Variants in SHANK2 observed in about 807,000 individuals in gnomAD.
The protein encoded by SHANK2 is SH3 and multiple ankyrin repeat domains 2, also known as SH3 and multiple ankyrin repeat domains protein 2.
SHANK2 carries 43 observed loss-of-function variants against 133.7 expected under a neutral mutation model. That is an observed-to-expected ratio of 0.32 (90% CI 0.25 to 0.41). The LOEUF is 0.41. SHANK2 is among the 10% of genes least tolerant of loss of function. The pLI, the probability that SHANK2 is intolerant of heterozygous loss-of-function variation, is 1.00. For synonymous variants in SHANK2, 1,017 were observed against 952.8 expected, an observed-to-expected ratio of 1.07 and a Z score of -1.24; for missense variants, 1,994 against 2,235.8, an observed-to-expected ratio of 0.89 and a Z score of 2.18.
chr11:71,207,667 CA>C (rs1954155069), intron 2 of SHANK2, among the ~76,000 whole-genome samples: 1 of 152,128 alleles, frequency 6.6e-6, no homozygotes, highest in African/African-American at 2.4e-5. Context: ...AACCAAGAAG[CA>C]AAAACAAATC....
At chr11:71,183,138 A>G (rs1953593624) in intron 2 of SHANK2, among the ~76,000 whole-genome samples, 1 of 152,186 alleles carries the variant, frequency 6.6e-6, no homozygotes, top group Non-Finnish European at 1.5e-5. Context: ...CCCACAGACA[A>G]GGCTTTCTGG....
intron 1 of SHANK2, among the ~76,000 whole-genome samples, chr11:71,247,493 C>A (rs1332051686): frequency 1.4e-5 from 2 of 144,776 alleles, no homozygotes; most frequent in South Asian, 2.2e-4. Flanking sequence ...TTAAAAAAAA[C>A]AACACTTTCA....
intron 12 of SHANK2, among the ~76,000 whole-genome samples, chr11:70,816,780 A>G (rs1590716524): frequency 6.6e-6 from 1 of 152,238 alleles, no homozygotes; most frequent in South Asian, 2.1e-4. Context: ...CCCTATCTCA[A>G]TAAAGGCCAC....
intron 15 of SHANK2, among the ~76,000 whole-genome samples, chr11:70,665,990 G>A (rs1352565563): frequency 1.3e-5 from 2 of 152,126 alleles, no homozygotes; most frequent in African/African-American, 2.4e-5. Context: ...ACAGCACCCC[G>A]CATAGGCCAG....
At chr11:70,680,967 G>A (rs1945017424) in intron 15 of SHANK2, among the ~76,000 whole-genome samples, 1 of 152,146 alleles carries the variant, frequency 6.6e-6, no homozygotes, top group Non-Finnish European at 1.5e-5. Flanking sequence ...CACTCTCCCT[G>A]GGTGTGAACC....
At chr11:70,738,329 C>G (rs1177747850) in intron 14 of SHANK2, among the ~76,000 whole-genome samples, 1 of 152,264 alleles carries the variant, frequency 6.6e-6, no homozygotes, top group African/African-American at 2.4e-5. Flanking sequence ...GCGCTCCCCT[C>G]TGTCTTCTGT....
intron 2 of SHANK2, among the ~76,000 whole-genome samples, chr11:71,187,548 T>G (rs1953699537): frequency 6.6e-6 from 1 of 152,232 alleles, no homozygotes; most frequent in Non-Finnish European, 1.5e-5. Flanking sequence ...TTCTCATGTT[T>G]TATTCAGCAC....
At chr11:70,610,727 C>T (rs535295034) in intron 17 of SHANK2, among the ~76,000 whole-genome samples, 32 of 152,344 alleles carry the variant, frequency 2.1e-4, no homozygotes, top group African/African-American at 7.2e-4. Flanking sequence ...GAGCACAGAA[C>T]ACGGCATGGG....
chr11:70,816,701 C>T (rs1249321138), intron 12 of SHANK2, among the ~76,000 whole-genome samples: 7 of 152,184 alleles, frequency 4.6e-5, no homozygotes, highest in Non-Finnish European at 8.8e-5. Context: ...CTCCAAAAGG[C>T]CCTGGGTTGG....
intron 17 of SHANK2, among the ~76,000 whole-genome samples, chr11:70,639,600 G>A (rs565872061): frequency 1.2e-4 from 18 of 152,236 alleles, no homozygotes; most frequent in African/African-American, 4.1e-4. Context: ...AAGAGGGCCT[G>A]GTTTTTCTTT....
chr11:70,606,551 T>G (rs1591640763), intron 17 of SHANK2, among the ~76,000 whole-genome samples: 1 of 138,152 alleles, frequency 7.2e-6, no homozygotes. Flanking sequence ...CTAGCTTGTA[T>G]CCTCAGCCTT....
intron 17 of SHANK2, among the ~76,000 whole-genome samples, chr11:70,529,626 C>A (rs530337989): frequency 3.3e-5 from 5 of 152,316 alleles, no homozygotes; most frequent in African/African-American, 1.2e-4. Context: ...ACTTTGCAAC[C>A]ACCACCTCTA....
chr11:71,210,239 TATATATA>T lies in SHANK2; in HGVS notation c.-13+14451_-13+14457del, dbSNP rs1565516722. Among the ~76,000 whole-genome samples the T allele has an allele frequency of 2.8e-5, 3 of 105,858 alleles. 1 individual carries two copies. Among genetic ancestry groups the T allele is most frequent in the African/African-American group, 1.5e-4 (3 of 20,302 alleles). The allele number at this position is 105,858 out of a possible 152,430, so 69.4% of individuals were successfully genotyped here. A position where few individuals can be genotyped will look rare whatever the true frequency, so the allele number is the denominator to read the frequency against. Reference sequence around the variant, plus strand: ...ATATATATATATATATATATATATATATATATATATATATTTATTTATTTTTTGAAAC... The same window carrying T: ...ATATATATATATATATATATATATATTATATATTTATTTATTTTTTGAAAC... On this transcript the variant is annotated intron_variant, in intron 2 of 25. Coordinates refer to ENST00000601538, the MANE Select transcript of SHANK2 (RefSeq NM_012309.5).
rs1555055573 is a variant in SHANK2 at position 70,820,453 on chromosome 11, C to A, written c.1404G>T (p.Val468=). The change falls in exon 12 of 26, where the codon GTG becomes GTT. Residue 468 remains valine, a synonymous_variant. Coordinates refer to ENST00000601538, the MANE Select transcript of SHANK2 (RefSeq NM_012309.5). ...ATGGGGACCGGCTGCGGGGCCCGGG[C>A]ACGTAGCTCCCAATGGTCTTCGCGG... The part of the protein sequence containing the change: ...EGAAKTIGSY[V]PGPRSRSPSL... 1 of 714,466 alleles carries A rather than the reference C, an allele frequency of 1.4e-6. No individual in the cohort carries two copies. 44.3% of individuals were successfully genotyped at this position (714,466 alleles called of 1,614,324 possible).
At chr11:71,086,286 T>C in intron 8 of SHANK2, among the ~76,000 whole-genome samples, 1 of 114,484 alleles carries the variant, frequency 8.7e-6, no homozygotes, top group Non-Finnish European at 1.6e-5. Flanking sequence ...ATATTATATA[T>C]GTTATATAAG....
intron 15 of SHANK2, among the ~76,000 whole-genome samples, chr11:70,689,606 T>C (rs1945231549): frequency 1.3e-5 from 2 of 152,172 alleles, no homozygotes; most frequent in Non-Finnish European, 2.9e-5. Context: ...CTATAACTTC[T>C]TACTGGCAAT....
In SHANK2 at chr11:71,075,227, C is replaced by A; in HGVS notation, c.961G>T (p.Gly321Trp). 4.0e-6 allele frequency: 1 copy of A among 252,864 alleles called. No individual in the cohort carries two copies. The highest frequency in any genetic ancestry group is 8.8e-5 in the East Asian group (1 of 11,426). 15.7% of individuals were successfully genotyped at this position (252,864 alleles called of 1,614,324 possible). ...VQHLEHLLFYGADMSAQNASG... is the reference protein window; with the variant it reads ...VQHLEHLLFYWADMSAQNASG... ...GCATTCTGGGCACTCATGTCTGCCC[C>A]GTAGAACAGCAGGTGCTCCAGGTGC... The change falls in exon 9 of 26, where the codon GGG (glycine) becomes TGG (tryptophan). Residue 321 changes from glycine (G) to tryptophan (W), a missense_variant. Physicochemically the swap from Gly to Trp is radical, Grantham distance 184. Around this residue, in one of 5 missense-constraint regions of SHANK2, gnomAD observed 653 missense variants for 563.4 expected, o/e 1.16. Coordinates refer to ENST00000601538, the MANE Select transcript of SHANK2 (RefSeq NM_012309.5).
chr11:70,521,601 A>G (rs1240143029), intron 17 of SHANK2, among the ~76,000 whole-genome samples: 6 of 152,204 alleles, frequency 3.9e-5, no homozygotes, highest in South Asian at 4.1e-4. Flanking sequence ...TCCTTCCATT[A>G]AAAAGGAGAA....
At chr11:70,709,588 C>T (rs1439941471) in intron 14 of SHANK2, among the ~76,000 whole-genome samples, 1 of 152,242 alleles carries the variant, frequency 6.6e-6, no homozygotes, top group African/African-American at 2.4e-5. Flanking sequence ...TGGGTAAATG[C>T]TCAGGACAAG....
Sources: allele counts gnomAD v4.1 joint callset (sites outside exome capture counted in the v4.1 genomes callset), GRCh38; gene constraint gnomAD v4.1.1; regional missense constraint gnomAD v4.1.1; transcripts MANE v1.5; gene names NCBI Gene and HGNC (gene_info 2026-07-23, HGNC 2026-07-21).